Variants in FBXO28 observed in about 807,000 individuals in gnomAD.
FBXO28 encodes the protein F-box protein 28, also known as F-box only protein 28.
FBXO28 carries 8 observed loss-of-function variants against 38.1 expected under a neutral mutation model. The ratio of observed to expected loss-of-function variants is 0.21; its 90% CI spans 0.12 to 0.38. The LOEUF is 0.38. Among genes scored for constraint, FBXO28 ranks in the 10% least tolerant of loss-of-function variants. The probability of loss-of-function intolerance (pLI) is 1.00; values close to 1 mark genes in which losing one functional copy is unlikely to be tolerated. For missense variants in FBXO28, 345 were observed against 460.6 expected, an observed-to-expected ratio of 0.75 and a Z score of 2.30; for synonymous variants, 168 against 173.8, an observed-to-expected ratio of 0.97 and a Z score of 0.26.
At chr1:224,137,548 G>A (rs926818740) in intron 3 of FBXO28, among the ~76,000 whole-genome samples, 6 of 151,702 alleles carry the variant, frequency 4.0e-5, no homozygotes, top group African/African-American at 1.2e-4. Flanking sequence ...AAAGAAAAAG[G>A]AAGACAGAAA....
intron 3 of FBXO28, among the ~76,000 whole-genome samples, chr1:224,151,493 C>G (rs1396961691): frequency 4.6e-5 from 7 of 152,154 alleles, no homozygotes; most frequent in Non-Finnish European, 8.8e-5. Context: ...ATGTGAAGGG[C>G]TGTGAATTTG....
chr1:224,155,322 C>T (rs375457344), intron 4 of FBXO28, among the ~76,000 whole-genome samples: 9 of 152,118 alleles, frequency 5.9e-5, no homozygotes, highest in Admixed American at 2.0e-4. Context: ...TGTGCCACCA[C>T]GCCTGGCTAA....
At chr1:224,144,981 A>G (rs931224453) in intron 3 of FBXO28, among the ~76,000 whole-genome samples, 2 of 151,638 alleles carry the variant, frequency 1.3e-5, no homozygotes, top group African/African-American at 4.8e-5. Flanking sequence ...TCAGTGTTTG[A>G]TATTAGAAGT....
intron 1 of FBXO28, among the ~76,000 whole-genome samples, chr1:224,115,315 A>T (rs574206735): frequency 1.1e-3 from 161 of 152,316 alleles, no homozygotes; most frequent in African/African-American, 3.8e-3. Flanking sequence ...AAGAAATTGA[A>T]GGAGGTGGAC....
chr1:224,129,756 G>A (rs10916347), intron 1 of FBXO28, among the ~76,000 whole-genome samples: 19,646 of 152,102 alleles, frequency 0.13, 1,597 homozygotes, highest in East Asian at 0.38. Flanking sequence ...TTGGGAGGCC[G>A]AGGCAGGCGG....
At chr1:224,134,285 AT>A in intron 3 of FBXO28, 73 bp downstream of exon 3, 1 of 1,433,858 alleles carries the variant, frequency 7.0e-7, no homozygotes, top group South Asian at 1.3e-5. Flanking sequence ...TGAATTTCTG[AT>A]TTTAGAAATG....
intron 3 of FBXO28, among the ~76,000 whole-genome samples, chr1:224,144,953 G>A (rs886096647): frequency 6.6e-6 from 1 of 151,898 alleles, no homozygotes; most frequent in Admixed American, 6.6e-5. Flanking sequence ...TTAAATGTGT[G>A]TATAGTTCAC....
chr1:224,148,876 T>G (rs1272145684), intron 3 of FBXO28, among the ~76,000 whole-genome samples: 1 of 152,198 alleles, frequency 6.6e-6, no homozygotes, highest in African/African-American at 2.4e-5. Flanking sequence ...TGTCCTTCAT[T>G]AGACCTACCC....
intron 3 of FBXO28, among the ~76,000 whole-genome samples, chr1:224,152,062 T>C (rs1395948002): frequency 6.6e-6 from 1 of 151,864 alleles, no homozygotes; most frequent in Non-Finnish European, 1.5e-5. Context: ...AAAGGAATTT[T>C]ATCTTCAGGT....
chr1:224,127,206 G>T (rs1246623599), intron 1 of FBXO28, among the ~76,000 whole-genome samples: 1 of 149,930 alleles, frequency 6.7e-6, no homozygotes. Context: ...GTGTGTGTGT[G>T]TGTTTATGTT....
chr1:224,143,852 A>G (rs1207984481), intron 3 of FBXO28, among the ~76,000 whole-genome samples: 2 of 145,892 alleles, frequency 1.4e-5, no homozygotes, highest in African/African-American at 5.1e-5. Flanking sequence ...AAAAAAAAGA[A>G]AAATGAATGA....
At chr1:224,134,738 T>C (rs1657134848) in intron 3 of FBXO28, among the ~76,000 whole-genome samples, 1 of 152,236 alleles carries the variant, frequency 6.6e-6, no homozygotes, top group African/African-American at 2.4e-5. Flanking sequence ...TATTTACCAT[T>C]ACTAAGTTAA....
chr1:224,137,296 G>A (rs911886985), intron 3 of FBXO28, among the ~76,000 whole-genome samples: 9 of 151,694 alleles, frequency 5.9e-5, no homozygotes, highest in African/African-American at 1.2e-4. Flanking sequence ...AGGCCAAGAC[G>A]GGTAGATCAC....
chr1:224,157,015 A>AAT (rs1553292910), intron 4 of FBXO28, among the ~76,000 whole-genome samples: 2 of 151,250 alleles, frequency 1.3e-5, no homozygotes, highest in Non-Finnish European at 3.0e-5. Flanking sequence ...AAAAAAAAAA[A>AAT]ATTATTATTT....
At chr1:224,149,242 A>G (rs1212745966) in intron 3 of FBXO28, among the ~76,000 whole-genome samples, 2 of 151,656 alleles carry the variant, frequency 1.3e-5, no homozygotes, top group African/African-American at 4.8e-5. Flanking sequence ...TGTTCAAAAC[A>G]TAATCATCTG....
chr1:224,160,457 GGATAGCAATGT>G lies in FBXO28; in HGVS notation c.*2714_*2724del, dbSNP rs1407654473. On this transcript the variant is annotated 3_prime_UTR_variant, in exon 5 of 5. Transcript: ENST00000366862. ...TATTCTGGTACAGCGCTGCACACAT[GGATAGCAATGT>G]GAAAAGGCATGCCTAAGAGACAGAA... 1.3e-5 allele frequency: 2 copies of G among 152,130 alleles called. No homozygotes were observed. Among genetic ancestry groups the G allele is most frequent in the African/African-American group, 4.8e-5 (2 of 41,420 alleles). The allele number at this position is 152,130 out of a possible 1,614,324, so 9.4% of individuals were successfully genotyped here.
intron 3 of FBXO28, among the ~76,000 whole-genome samples, chr1:224,149,142 G>T (rs1055662240): frequency 7.3e-5 from 11 of 151,718 alleles, no homozygotes; most frequent in Admixed American, 2.0e-4. Flanking sequence ...TAAGGCTGTG[G>T]GTATTTTATT....
rs1657857655 is a variant in FBXO28, at chr1:224,159,796, C to A, written c.*2050C>A. ...AAAGGGATACAGCCCCAGACTGTTT[C>A]TTTAATGGTCATTCATGAACTATTA... On this transcript the variant is annotated 3_prime_UTR_variant, in exon 5 of 5. Transcript: ENST00000366862. 1 of 152,004 alleles carries A rather than the reference C, an allele frequency of 6.6e-6. No homozygotes were observed. Among genetic ancestry groups the A allele is most frequent in the African/African-American group, 2.4e-5 (1 of 41,372 alleles). The allele number at this position is 152,004 out of a possible 1,614,324, so 9.4% of individuals were successfully genotyped here.
chr1:224,122,553 A>C (rs10916332), intron 1 of FBXO28, among the ~76,000 whole-genome samples: 75,922 of 151,238 alleles, frequency 0.5, 20,320 homozygotes, highest in South Asian at 0.61. Context: ...CTAATCTAGA[A>C]CATTGTCCCC....
Sources: gnomAD v4.1 joint callset for allele counts (sites outside exome capture counted in the v4.1 genomes callset) on GRCh38, gnomAD v4.1.1 for gene constraint, MANE v1.5 for transcripts, NCBI Gene and HGNC (gene_info 2026-07-23, HGNC 2026-07-21) for gene names.